CELF2: variants seen among roughly 807,000 people sequenced by gnomAD.
CELF2 encodes the protein CUG triplet repeat RNA-binding protein 2.
In CELF2, 8 loss-of-function variants were observed where a neutral mutation model predicts 62.6. The observed-to-expected ratio is 0.13, with a 90% CI of 0.07 to 0.23. The LOEUF is 0.23. Among genes scored for constraint, CELF2 ranks in the 10% least tolerant of loss-of-function variants. The pLI is 1.00. For synonymous variants in CELF2, 258 were observed against 250.0 expected (o/e 1.03, Z -0.30); for missense variants, 333 against 671.0 (o/e 0.50, Z 5.56).
chr10:10,882,556 T>C (rs2061502596), intron 1 of CELF2, among the ~76,000 whole-genome samples: 1 of 152,144 alleles, frequency 6.6e-6, no homozygotes, highest in African/African-American at 2.4e-5. Flanking sequence ...TATTGGAAAA[T>C]CCCTCTGCTA....
Position 11,018,086 on chromosome 10 carries a change from G to T in CELF2, c.-4G>T. ...CGCCGCTGCCGCCGCGTGCGCCCGC[G>T]AACATGACTTCTGCCTTCAAGCTGG... On this transcript the variant is annotated 5_prime_UTR_variant, in exon 1 of 13. Transcript: ENST00000633077. 6.8e-7 allele frequency: 1 copy of T among 1,471,656 alleles called. No homozygotes were observed. The highest frequency in any genetic ancestry group is 9.1e-7 in the Non-Finnish European group (1 of 1,100,536). 91.2% of individuals were successfully genotyped at this position (1,471,656 alleles called of 1,614,324 possible).
chr10:11,308,608 G>GTAAC (rs1288744289), intron 9 of CELF2, among the ~76,000 whole-genome samples: 1 of 152,122 alleles, frequency 6.6e-6, no homozygotes, highest in Non-Finnish European at 1.5e-5. Flanking sequence ...CAGGACACAA[G>GTAAC]TAAATTACAT....
the CELF2 span, among the ~76,000 whole-genome samples, chr10:10,652,310 C>T: frequency 2.4e-5 from 3 of 127,358 alleles, no homozygotes; most frequent in Admixed American, 1.7e-4. Flanking sequence ...AGGATATTAT[C>T]CAGGAGAACT....
At chr10:10,933,353 A>G (rs2066290354) in intron 2 of CELF2, among the ~76,000 whole-genome samples, 1 of 152,204 alleles carries the variant, frequency 6.6e-6, no homozygotes, top group Non-Finnish European at 1.5e-5. Flanking sequence ...GTACAGTATG[A>G]TATTTCTATA....
intron 2 of CELF2, among the ~76,000 whole-genome samples, chr10:10,981,092 C>T (rs1259328110): frequency 6.6e-6 from 1 of 152,230 alleles, no homozygotes; most frequent in Non-Finnish European, 1.5e-5. Context: ...GACACGCCCA[C>T]TGAAGTCCCA....
intron 3 of CELF2, among the ~76,000 whole-genome samples, chr10:11,218,473 AG>A (rs1269118193): frequency 6.6e-6 from 1 of 152,228 alleles, no homozygotes; most frequent in Non-Finnish European, 1.5e-5. Context: ...GAACCACCAC[AG>A]GCCCCCAGAA....
chr10:10,926,555 C>T (rs201983956), intron 2 of CELF2, among the ~76,000 whole-genome samples: 2 of 152,310 alleles, frequency 1.3e-5, no homozygotes, highest in Admixed American at 6.5e-5. Context: ...CCTGGTACAC[C>T]GTCTGCCATC....
At chr10:11,120,520 T>C (rs1322669624) in intron 1 of CELF2, among the ~76,000 whole-genome samples, 1 of 152,208 alleles carries the variant, frequency 6.6e-6, no homozygotes, top group Non-Finnish European at 1.5e-5. Flanking sequence ...CCACACCATC[T>C]ATGCAGTTGA....
At position 11,297,170 on chromosome 10, in the gene CELF2, G is replaced by C. The variant is rs548811616; in HGVS notation, c.976+8618G>C. Among the ~76,000 whole-genome samples the C allele has an allele frequency of 1.3e-5, 2 of 152,352 alleles. No homozygotes were observed. Among genetic ancestry groups the C allele is most frequent in the East Asian group, 3.9e-4 (2 of 5,186 alleles). ...TGGAGCATTGCTCTCAGTTGTGAGG[G>C]GAGTTGAGGAGGAAGCTGTCATATA... On this transcript the variant is annotated intron_variant, in intron 9 of 12. Coordinates refer to ENST00000633077, the MANE Select transcript of CELF2 (RefSeq NM_001326342.2). The surrounding 1 kb of genome is among the most constrained non-coding windows in gnomAD (Gnocchi z 4.4).
intron 1 of CELF2, among the ~76,000 whole-genome samples, chr10:10,799,015 A>G (rs766796472): frequency 1.3e-5 from 2 of 152,094 alleles, no homozygotes; most frequent in African/African-American, 2.4e-5. Flanking sequence ...AGGTCCTCCA[A>G]TTTCACCCCA....
At chr10:10,497,965 T>A in the CELF2 span, among the ~76,000 whole-genome samples, 1 of 152,076 alleles carries the variant, frequency 6.6e-6, no homozygotes, top group Non-Finnish European at 1.5e-5. Flanking sequence ...AAAAGGAGAC[T>A]ATTGTAGTAA....
the CELF2 span, among the ~76,000 whole-genome samples, chr10:10,505,525 G>A: frequency 6.6e-6 from 1 of 151,982 alleles, no homozygotes; most frequent in African/African-American, 2.4e-5. Context: ...CTAACACCAA[G>A]GAGAAGAGGC....
the CELF2 span, among the ~76,000 whole-genome samples, chr10:10,618,525 G>A: frequency 2.0e-5 from 3 of 152,078 alleles, no homozygotes; most frequent in African/African-American, 4.8e-5. Context: ...TGATCATACT[G>A]CAACTCAAAG....
intron 1 of CELF2, among the ~76,000 whole-genome samples, chr10:10,840,760 G>A (rs2058627638): frequency 6.6e-6 from 1 of 152,068 alleles, no homozygotes; most frequent in African/African-American, 2.4e-5. Context: ...TGCCATGGTG[G>A]TTTGCTGCAC....
At chr10:10,576,238 C>A in the CELF2 span, among the ~76,000 whole-genome samples, 2 of 152,154 alleles carry the variant, frequency 1.3e-5, no homozygotes, top group Admixed American at 1.3e-4. Flanking sequence ...GGTCAAAGAA[C>A]TGCGAAGAGC....
At chr10:11,028,482 C>T (rs540494758) in intron 1 of CELF2, among the ~76,000 whole-genome samples, 26 of 150,280 alleles carry the variant, frequency 1.7e-4, no homozygotes, top group Non-Finnish European at 3.2e-4. Context: ...TGCAGTGGCG[C>T]GATCCCGGCT....
chr10:11,038,252 C>CT (rs1426846962), intron 1 of CELF2, among the ~76,000 whole-genome samples: 1 of 152,164 alleles, frequency 6.6e-6, no homozygotes, highest in African/African-American at 2.4e-5. Flanking sequence ...AAATGACTTC[C>CT]TTTTTTTCCA....
intron 1 of CELF2, among the ~76,000 whole-genome samples, chr10:10,876,557 C>G (rs369781061): frequency 7.9e-5 from 12 of 152,230 alleles, no homozygotes; most frequent in African/African-American, 2.9e-4. Context: ...CAAACAGTGC[C>G]GCGTTTTAGG....
chr10:10,974,059 T>A (rs1238574768), intron 2 of CELF2, among the ~76,000 whole-genome samples: 1 of 152,218 alleles, frequency 6.6e-6, no homozygotes, highest in Admixed American at 6.5e-5. Flanking sequence ...TATACCAGAA[T>A]CTCAGCTCTC....
Sources: allele counts gnomAD v4.1 joint callset (sites outside exome capture counted in the v4.1 genomes callset), GRCh38; gene constraint gnomAD v4.1.1; non-coding constraint Gnocchi (gnomAD v3.1); transcripts MANE v1.5; gene names NCBI Gene and HGNC (gene_info 2026-07-23, HGNC 2026-07-21).